Variants in ANKRD42 observed in about 807,000 individuals in gnomAD.
ANKRD42 encodes ankyrin repeat domain-containing protein 42.
Under a neutral mutation model 51.5 loss-of-function variants are expected in ANKRD42, and 43 were observed. The ratio of observed to expected loss-of-function variants is 0.83; its 90% confidence interval spans 0.65 to 1.08. ANKRD42 has a LOEUF of 1.08. Ranked by LOEUF, ANKRD42 falls within the 50% of genes least tolerant of loss-of-function variation. The probability of loss-of-function intolerance (pLI) is 0.00; values close to 1 mark genes in which losing one functional copy is unlikely to be tolerated. For synonymous variants in ANKRD42, 203 were observed against 213.0 expected (o/e 0.95, Z 0.41); for missense variants, 608 against 629.3 (o/e 0.97, Z 0.36).
rs182088464 is a variant in ANKRD42, at chr11:83,209,434, C to T, written c.331-866C>T. 1,063 of 1,591,368 alleles carry T rather than the reference C, an allele frequency of 6.7e-4. 5 individuals carry two copies. The highest frequency in any genetic ancestry group is 1.6e-4 in the Non-Finnish European group (192 of 1,164,190). On this transcript the variant is annotated intron_variant, in intron 3 of 10. Transcript: ENST00000533342. Reference sequence around the variant, plus strand: ...AACAAATTTACTATTCAGACAAATACGACGACGAGGAGTTTGAGTATCGAC... The same window carrying T: ...AACAAATTTACTATTCAGACAAATATGACGACGAGGAGTTTGAGTATCGAC...
At chr11:83,195,793 T>C (rs375502220) in intron 1 of ANKRD42, among the ~76,000 whole-genome samples, 88 of 152,224 alleles carry the variant, frequency 5.8e-4, no homozygotes, top group African/African-American at 1.9e-3. Flanking sequence ...TTTTCTGGTC[T>C]AGACTATTGT....
intron 5 of ANKRD42, among the ~76,000 whole-genome samples, chr11:83,223,287 A>G (rs1301264625): frequency 6.6e-6 from 1 of 152,190 alleles, no homozygotes; most frequent in Non-Finnish European, 1.5e-5. Context: ...TGTTGTATTT[A>G]TAATAGACTG....
At chr11:83,232,658 C>A (rs575378218) in intron 7 of ANKRD42, among the ~76,000 whole-genome samples, 2 of 152,212 alleles carry the variant, frequency 1.3e-5, no homozygotes, top group East Asian at 3.9e-4. Flanking sequence ...AAGTGGGCAT[C>A]CTTGTGTTCC....
At position 83,248,489 on chromosome 11, in the gene ANKRD42, A is replaced by T; in HGVS notation, c.*285A>T. 9.2e-7 allele frequency: 1 copy of T among 1,086,564 alleles called. No homozygotes were observed. The highest frequency in any genetic ancestry group is 1.1e-6 in the Non-Finnish European group (1 of 895,908). 67.3% of individuals were successfully genotyped at this position (1,086,564 alleles called of 1,614,324 possible). On this transcript the variant is annotated 3_prime_UTR_variant, in exon 11 of 11. Coordinates refer to ENST00000533342, the MANE Select transcript of ANKRD42 (RefSeq NM_001300975.2). ...TCAATCAGAATTCTAAGACAGCTAG[A>T]GGATATGTATATTTTAATATTCTAA...
At chr11:83,219,537 G>A (rs1489520996) in intron 5 of ANKRD42, among the ~76,000 whole-genome samples, 1 of 152,164 alleles carries the variant, frequency 6.6e-6, no homozygotes, top group Non-Finnish European at 1.5e-5. Context: ...GAGAACAGCT[G>A]CTGTACTTTA....
intron 5 of ANKRD42, among the ~76,000 whole-genome samples, chr11:83,215,646 A>G (rs1862503744): frequency 6.6e-6 from 1 of 152,154 alleles, no homozygotes. Context: ...CTTACATTTT[A>G]TAGATATAAC....
chr11:83,208,865 C>G (rs1862190555), intron 3 of ANKRD42, among the ~76,000 whole-genome samples: 1 of 152,030 alleles, frequency 6.6e-6, no homozygotes, highest in Non-Finnish European at 1.5e-5. Flanking sequence ...AGAAGAGTCT[C>G]TAACTCCTGG....
At chr11:83,259,831 G>C (rs1425146248), downstream of ANKRD42, 1 of 152,234 alleles carries the variant, frequency 6.6e-6, no homozygotes, top group African/African-American at 2.4e-5. Flanking sequence ...TGCTCAGCAA[G>C]AGAATATGGG....
chr11:83,224,128 A>T (rs1441958910), intron 5 of ANKRD42, among the ~76,000 whole-genome samples: 1 of 152,034 alleles, frequency 6.6e-6, no homozygotes, highest in African/African-American at 2.4e-5. Flanking sequence ...ATAAATGTTG[A>T]AGTCAGTGTA....
At chr11:83,208,628 G>C (rs1253862824) in intron 3 of ANKRD42, among the ~76,000 whole-genome samples, 1 of 152,126 alleles carries the variant, frequency 6.6e-6, no homozygotes, top group Non-Finnish European at 1.5e-5. Context: ...ATCTTGCAAA[G>C]CAAACATTGA....
rs58376016 is a variant in ANKRD42 at position 83,248,296 on chromosome 11, T to TAC, written c.*131_*132dup. The TAC allele has an allele frequency of 0.029, 37,472 of 1,289,274 alleles. 254 individuals carry two copies. Among genetic ancestry groups the TAC allele is most frequent in the African/African-American group, 0.088 (5,517 of 62,612 alleles). 79.9% of individuals were successfully genotyped at this position (1,289,274 alleles called of 1,614,324 possible). On this transcript the variant is annotated 3_prime_UTR_variant, in exon 11 of 11. Coordinates refer to ENST00000533342, the MANE Select transcript of ANKRD42 (RefSeq NM_001300975.2). ...AGAGCTGATGACAGGATTAAAGGAA[T>TAC]ACACACACACACACACACACACACA...
intron 10 of ANKRD42, among the ~76,000 whole-genome samples, chr11:83,247,394 A>G (rs1439058900): frequency 6.6e-6 from 1 of 152,008 alleles, no homozygotes; most frequent in Non-Finnish European, 1.5e-5. Context: ...AAATGATTCT[A>G]TCACATTGGC....
At chr11:83,256,708 T>C (rs748460014), downstream of ANKRD42, among the ~76,000 whole-genome samples, 3 of 152,216 alleles carry the variant, frequency 2.0e-5, no homozygotes, top group Admixed American at 2.0e-4. Context: ...GCCCACCCTT[T>C]GGACCCTTGC....
rs574124349 is a variant in ANKRD42, at chr11:83,227,618, A to G, written c.788-129A>G. The stretch of plus-strand genomic sequence containing the variant: ...ATTCTCTTTTTACTGGTAGTCATCA[A>G]CTGAACTCATCCGATTACAACAGCC... On this transcript the variant is annotated intron_variant, in intron 6 of 10. Coordinates refer to ENST00000533342, the MANE Select transcript of ANKRD42 (RefSeq NM_001300975.2). 1.4e-4 allele frequency: 126 copies of G among 874,486 alleles called. No individual in the cohort carries two copies. In the African/African-American group the frequency reaches 1.7e-3, roughly 12 times the overall value. The allele number at this position is 874,486 out of a possible 1,614,324, so 54.2% of individuals were successfully genotyped here.
At chr11:83,227,910 G>T (rs755857564) in intron 7 of ANKRD42, 38 bp downstream of exon 7, 9 of 1,553,960 alleles carry the variant, frequency 5.8e-6, no homozygotes, top group Non-Finnish European at 7.8e-6. Flanking sequence ...GGATACAATA[G>T]CTGCTGAGTT....
chr11:83,249,179 A>G (rs1863631221), downstream of ANKRD42, among the ~76,000 whole-genome samples: 1 of 152,154 alleles, frequency 6.6e-6, no homozygotes, highest in Admixed American at 6.5e-5. Flanking sequence ...CCTCAAAAGT[A>G]GAAAGGTAAG....
rs550191794 is a variant in ANKRD42, at chr11:83,223,503, A to G, written c.587-1352A>G. Among the ~76,000 whole-genome samples, 6 of 152,282 alleles carry G rather than the reference A, an allele frequency of 3.9e-5. No homozygotes were observed. In the South Asian group the frequency reaches 1.2e-3, roughly 32 times the overall value. ...GGAGTAATGGAAAGGGGAGTCAAGG[A>G]TGGCTCCAAGGCTTATGGGCCTGAA... is the stretch of plus-strand genomic sequence containing the variant. On this transcript the variant is annotated intron_variant, in intron 5 of 10. Transcript: ENST00000533342.
chr11:83,256,264 T>C (rs1433804638), downstream of ANKRD42, among the ~76,000 whole-genome samples: 2 of 152,212 alleles, frequency 1.3e-5, no homozygotes, highest in Non-Finnish European at 2.9e-5. Flanking sequence ...TTAAAAATTA[T>C]TAAAAATTCA....
chr11:83,218,298 G>A (rs1862603748), intron 5 of ANKRD42, among the ~76,000 whole-genome samples: 1 of 152,124 alleles, frequency 6.6e-6, no homozygotes, highest in South Asian at 2.1e-4. Flanking sequence ...CCTAATGAGG[G>A]TCTACAGTGG....
Sources: gnomAD v4.1 joint callset for allele counts (sites outside exome capture counted in the v4.1 genomes callset) on GRCh38, gnomAD v4.1.1 for gene constraint, MANE v1.5 for transcripts, NCBI Gene and HGNC (gene_info 2026-07-23, HGNC 2026-07-21) for gene names.